Variants in SYNDIG1 observed in about 807,000 individuals in gnomAD.
The protein encoded by SYNDIG1 is synapse differentiation inducing 1, also known as synapse differentiation-inducing gene protein 1.
A neutral mutation model predicts 19.4 loss-of-function variants in SYNDIG1; 9 were observed. The ratio of observed to expected loss-of-function variants is 0.46; its 90% CI spans 0.28 to 0.81. The LOEUF (loss-of-function observed/expected upper bound fraction) is 0.81. Among genes scored for constraint, SYNDIG1 ranks in the 30% least tolerant of loss-of-function variants. SYNDIG1 has a pLI of 0.12. For synonymous variants in SYNDIG1, 141 were observed against 145.9 expected (o/e 0.97, Z 0.24); for missense variants, 311 against 343.3 (o/e 0.91, Z 0.74).
Position 24,530,196 on chromosome 20 carries a change from G to A in SYNDIG1, c.-78-12824G>A, listed in dbSNP as rs148656807. 5.5e-3 allele frequency among the ~76,000 whole-genome samples: 832 copies of A among 152,174 alleles called. 4 individuals are homozygous for A. The highest frequency in any genetic ancestry group is 7.5e-3 in the Admixed American group (115 of 15,284). On this transcript the variant is annotated intron_variant, in intron 1 of 3. Coordinates refer to ENST00000376862, the MANE Select transcript of SYNDIG1 (RefSeq NM_024893.3). ...AAGCAGCAATGGTCTGAATCTGCAG[G>A]TTTTCTTGTTTCCAAAATCACATCA...
intron 1 of SYNDIG1, among the ~76,000 whole-genome samples, chr20:24,477,681 C>A (rs146651288): frequency 6.6e-6 from 1 of 152,296 alleles, no homozygotes; most frequent in African/African-American, 2.4e-5. Context: ...ATGGGGTATA[C>A]AGCACCCCAC....
At chr20:24,631,194 T>C (rs2059237737) in intron 3 of SYNDIG1, among the ~76,000 whole-genome samples, 1 of 152,210 alleles carries the variant, frequency 6.6e-6, no homozygotes, top group Admixed American at 6.5e-5. Context: ...AATTGAAGTC[T>C]GGGGAAATTA....
chr20:24,636,155 T>C (rs2147321599), intron 3 of SYNDIG1, among the ~76,000 whole-genome samples: 1 of 152,338 alleles, frequency 6.6e-6, no homozygotes, highest in East Asian at 1.9e-4. Context: ...TATATGAGAC[T>C]GGGCTGCAAA....
intron 3 of SYNDIG1, among the ~76,000 whole-genome samples, chr20:24,593,734 A>G (rs1284551568): frequency 1.3e-5 from 2 of 152,052 alleles, no homozygotes; most frequent in Non-Finnish European, 1.5e-5. Context: ...AGCCATTTTG[A>G]CTGTGTGAGA....
chr20:24,528,617 C>G (rs760554541), intron 1 of SYNDIG1, among the ~76,000 whole-genome samples: 6 of 152,190 alleles, frequency 3.9e-5, no homozygotes, highest in African/African-American at 7.2e-5. Flanking sequence ...CTCTCCCCCT[C>G]AAGCCCTTTT....
intron 2 of SYNDIG1, among the ~76,000 whole-genome samples, chr20:24,572,956 A>C (rs1335667024): frequency 6.6e-6 from 1 of 152,108 alleles, no homozygotes; most frequent in Non-Finnish European, 1.5e-5. Context: ...GGTTCCTCCA[A>C]GCTTGCCCTC....
rs1381388934 is a variant in SYNDIG1 at position 24,469,731 on chromosome 20, T to G, written c.-101T>G. The G allele has an allele frequency of 6.6e-6, 1 of 151,620 alleles. No homozygotes were observed. The highest frequency in any genetic ancestry group is 1.5e-5 in the Non-Finnish European group (1 of 67,896). The allele number at this position is 151,620 out of a possible 1,614,324, so 9.4% of individuals were successfully genotyped here. On this transcript the variant is annotated 5_prime_UTR_variant, in exon 1 of 4. Coordinates refer to ENST00000376862, the MANE Select transcript of SYNDIG1 (RefSeq NM_024893.3). ...TCGCGGGCGGCCGCTTGGGCGCACT[T>G]GCCGGGTCACCTTGTCCCGGAGGTA...
chr20:24,585,978 C>T (rs1028686184), intron 3 of SYNDIG1, among the ~76,000 whole-genome samples: 4 of 152,208 alleles, frequency 2.6e-5, no homozygotes, highest in African/African-American at 9.6e-5. Flanking sequence ...CCTGGCTGAG[C>T]CCAGCAGTTG....
intron 3 of SYNDIG1, among the ~76,000 whole-genome samples, chr20:24,643,201 T>C (rs370684025): frequency 6.6e-5 from 10 of 152,364 alleles, no homozygotes; most frequent in African/African-American, 2.2e-4. Context: ...TGTAACCTCC[T>C]ACTCCAACAA....
intron 3 of SYNDIG1, among the ~76,000 whole-genome samples, chr20:24,621,202 A>C (rs1381198016): frequency 6.6e-6 from 1 of 152,266 alleles, no homozygotes; most frequent in East Asian, 1.9e-4. Flanking sequence ...CTGTCTCAAC[A>C]AAAGAGAGCA....
chr20:24,570,295 A>T (rs1423451663), intron 2 of SYNDIG1, among the ~76,000 whole-genome samples: 1 of 152,268 alleles, frequency 6.6e-6, no homozygotes, highest in Non-Finnish European at 1.5e-5. Context: ...GAAAGAATAG[A>T]CAAATTTTAC....
At chr20:24,475,663 AT>A (rs1434227701) in intron 1 of SYNDIG1, among the ~76,000 whole-genome samples, 1 of 152,194 alleles carries the variant, frequency 6.6e-6, no homozygotes, top group Non-Finnish European at 1.5e-5. Flanking sequence ...GAAACCCTGT[AT>A]TTGTGAGGAC....
rs1479048968 is a variant in SYNDIG1, at chr20:24,618,068, G to A, written c.618+33075G>A. On this transcript the variant is annotated intron_variant, in intron 3 of 3. Coordinates refer to ENST00000376862, the MANE Select transcript of SYNDIG1 (RefSeq NM_024893.3). ...GCCCGGGAAGCAGGAAGAGCCGGGG[G>A]AAGAGGGAGAGCTCGGGTAGGGGGG... 4.3e-5 allele frequency among the ~76,000 whole-genome samples: 6 copies of A among 139,118 alleles called. No individual in the cohort carries two copies. In the South Asian group the frequency reaches 7.4e-4, roughly 17 times the overall value. 91.3% of individuals were successfully genotyped at this position (139,118 alleles called of 152,430 possible).
chr20:24,661,191 G>A (rs559664009), intron 3 of SYNDIG1, among the ~76,000 whole-genome samples: 59 of 152,212 alleles, frequency 3.9e-4, no homozygotes, highest in Middle Eastern at 3.4e-3. Flanking sequence ...GGGTGGGGGC[G>A]GGGAGGTCCC....
intron 1 of SYNDIG1, among the ~76,000 whole-genome samples, chr20:24,483,632 G>A (rs2055861657): frequency 1.3e-5 from 2 of 152,228 alleles, no homozygotes; most frequent in Admixed American, 6.5e-5. Flanking sequence ...CTCTGAGCAC[G>A]CGTGTGCACG....
chr20:24,662,525 G>A lies in SYNDIG1; in HGVS notation c.619-2821G>A, dbSNP rs117978954. The stretch of plus-strand genomic sequence containing the variant: ...CCGATGGAGCCCAGCTGCTTCCTGC[G>A]TTCTCAATGATGAGTCCTTGTGCCC... On this transcript the variant is annotated intron_variant, in intron 3 of 3. Transcript: ENST00000376862. 7.1e-3 allele frequency among the ~76,000 whole-genome samples: 1,085 copies of A among 152,246 alleles called. 7 individuals carry two copies. The highest frequency in any genetic ancestry group is 0.012 in the Non-Finnish European group (806 of 68,026).
In SYNDIG1 at chr20:24,662,688, C is replaced by T. The variant is rs112955066; in HGVS notation, c.619-2658C>T. On this transcript the variant is annotated intron_variant, in intron 3 of 3. Transcript: ENST00000376862. ...GCTGGCACAAGGTGCAGGCACTGGG[C>T]ACTGCTTGGGGCTTCGCCAGTCACC... is the stretch of plus-strand genomic sequence containing the variant. Among the ~76,000 whole-genome samples the T allele has an allele frequency of 3.3e-5, 5 of 152,384 alleles. 1 individual carries two copies. Among genetic ancestry groups the T allele is most frequent in the African/African-American group, 9.6e-5 (4 of 41,598 alleles).
intron 1 of SYNDIG1, among the ~76,000 whole-genome samples, chr20:24,496,034 A>G (rs1430487833): frequency 6.6e-6 from 1 of 151,976 alleles, no homozygotes; most frequent in Non-Finnish European, 1.5e-5. Context: ...TTTAGTGGAG[A>G]CAGGGTTTCA....
At chr20:24,601,269 T>C (rs1283611943) in intron 3 of SYNDIG1, among the ~76,000 whole-genome samples, 1 of 152,232 alleles carries the variant, frequency 6.6e-6, no homozygotes, top group African/African-American at 2.4e-5. Context: ...CGAGAGAGAT[T>C]GATGTATATT....
Sources: gnomAD v4.1 joint callset for allele counts (sites outside exome capture counted in the v4.1 genomes callset) on GRCh38, gnomAD v4.1.1 for gene constraint, MANE v1.5 for transcripts, NCBI Gene and HGNC (gene_info 2026-07-23, HGNC 2026-07-21) for gene names.